Variants in VPS41 observed in about 807,000 individuals in gnomAD.
VPS41 encodes the protein VPS41 subunit of HOPS complex.
A neutral mutation model predicts 130.9 loss-of-function variants in VPS41; 85 were observed. That is an observed-to-expected ratio of 0.65 (90% CI 0.55 to 0.78). The LOEUF is 0.78. Ranked by LOEUF, VPS41 falls within the 30% of genes least tolerant of loss-of-function variation. The pLI is 0.00. For synonymous variants in VPS41, 335 were observed against 332.9 expected, an observed-to-expected ratio of 1.01 and a Z score of -0.07; for missense variants, 874 against 1,018.7, an observed-to-expected ratio of 0.86 and a Z score of 1.93.
Position 38,768,507 on chromosome 7 carries a change from T to C in VPS41, c.1186-909A>G, listed in dbSNP as rs529449542. On this transcript the variant is annotated intron_variant, in intron 14 of 28. Coordinates refer to ENST00000310301, the MANE Select transcript of VPS41 (RefSeq NM_014396.4). ...ATTCATAACTAATGTATAGGACTAA[T>C]GTACAGGACATGCCCATTTCAAGAG... is the stretch of plus-strand genomic sequence containing the variant. Among the ~76,000 whole-genome samples the C allele has an allele frequency of 9.2e-5, 14 of 152,336 alleles. No homozygotes were observed. In the East Asian group the frequency reaches 2.7e-3, roughly 29 times the overall value.
At chr7:38,758,078 A>C (rs1049947350) in intron 18 of VPS41, among the ~76,000 whole-genome samples, 3 of 152,176 alleles carry the variant, frequency 2.0e-5, no homozygotes, top group Non-Finnish European at 4.4e-5. Context: ...GAGTGATCTA[A>C]AACTTGGCAC....
intron 7 of VPS41, among the ~76,000 whole-genome samples, chr7:38,800,407 TTATA>T (rs1784702762): frequency 6.6e-6 from 1 of 152,016 alleles, no homozygotes; most frequent in South Asian, 2.1e-4. Flanking sequence ...TATTTTTATT[TTATA>T]ATTATTCTGC....
In VPS41 at chr7:38,808,270, A is replaced by G. The variant is rs146123735; in HGVS notation, c.450+9547T>C. ...ATTTTTATTTAAGCATTATATTTCT[A>G]TTTTTAGCCTCAGATAGCTTAGTAT... On this transcript the variant is annotated intron_variant, in intron 7 of 28. Transcript: ENST00000310301. 2.8e-3 allele frequency among the ~76,000 whole-genome samples: 430 copies of G among 152,290 alleles called. 2 individuals carry two copies. The highest frequency in any genetic ancestry group is 0.01 in the African/African-American group (419 of 41,568).
chr7:38,802,055 G>T (rs958991356), intron 7 of VPS41, among the ~76,000 whole-genome samples: 1 of 152,238 alleles, frequency 6.6e-6, no homozygotes. Context: ...ATCCAGGCAT[G>T]TAATGTCAGT....
Position 38,768,859 on chromosome 7 carries a change from A to C in VPS41, c.1186-1261T>G, listed in dbSNP as rs75888913. On this transcript the variant is annotated intron_variant, in intron 14 of 28. Coordinates refer to ENST00000310301, the MANE Select transcript of VPS41 (RefSeq NM_014396.4). ...TCTATTTTACCTCTTTTCCCTCAGC[A>C]TAAGCATGTTTAAGTGCCTCTCTTA... Among the ~76,000 whole-genome samples, 495 of 152,160 alleles carry C rather than the reference A, an allele frequency of 3.3e-3. 12 individuals are homozygous for C. In the East Asian group the frequency reaches 0.041, roughly 13 times the overall value.
At chr7:38,745,433 T>G (rs777294989) in intron 23 of VPS41, 126 bp downstream of exon 23, 1 of 742,662 alleles carries the variant, frequency 1.3e-6, no homozygotes, top group Non-Finnish European at 2.3e-6. Flanking sequence ...ATTAAATTAT[T>G]GTAAAAATAG....
At chr7:38,872,480 AG>A (rs1786389867) in intron 2 of VPS41, among the ~76,000 whole-genome samples, 1 of 152,250 alleles carries the variant, frequency 6.6e-6, no homozygotes, top group South Asian at 2.1e-4. Flanking sequence ...TCTACTGATA[AG>A]CTGTCTTAAA....
chr7:38,842,811 C>A (rs556391814), intron 4 of VPS41, among the ~76,000 whole-genome samples: 1 of 152,326 alleles, frequency 6.6e-6, no homozygotes, highest in South Asian at 2.1e-4. Flanking sequence ...GGATGGCATA[C>A]CCCTCTTGTG....
chr7:38,779,851 GGACT>G (rs1486857446), intron 10 of VPS41, among the ~76,000 whole-genome samples: 1 of 151,994 alleles, frequency 6.6e-6, no homozygotes, highest in African/African-American at 2.4e-5. Context: ...AAAAGCTTAT[GGACT>G]GACTTTGTAA....
chr7:38,889,539 A>G (rs1328417384), intron 2 of VPS41, among the ~76,000 whole-genome samples: 1 of 144,972 alleles, frequency 6.9e-6, no homozygotes, highest in Non-Finnish European at 1.5e-5. Context: ...ATCTGGTTAA[A>G]AAAACAAAAC....
chr7:38,827,403 T>C (rs894745668), intron 5 of VPS41, among the ~76,000 whole-genome samples: 25 of 152,154 alleles, frequency 1.6e-4, no homozygotes, highest in Non-Finnish European at 3.4e-4. Context: ...AACCTATGTA[T>C]TGCCAAAAGG....
intron 25 of VPS41, among the ~76,000 whole-genome samples, chr7:38,734,966 A>G (rs1795735460): frequency 6.6e-6 from 1 of 152,226 alleles, no homozygotes; most frequent in Non-Finnish European, 1.5e-5. Context: ...GGATTCTTAT[A>G]AAAATGATGA....
chr7:38,797,168 T>C (rs1584400631), intron 7 of VPS41: 2 of 208,504 alleles, frequency 9.6e-6, no homozygotes, highest in East Asian at 1.0e-4. Flanking sequence ...AAAAGATTTG[T>C]ATCGCAAAAG....
At chr7:38,859,640 G>A (rs1786059057) in intron 4 of VPS41, among the ~76,000 whole-genome samples, 1 of 152,178 alleles carries the variant, frequency 6.6e-6, no homozygotes, top group Admixed American at 6.5e-5. Flanking sequence ...CAGCCTAAGT[G>A]TACAGTAGGC....
At chr7:38,894,438 G>A (rs1040306684) in intron 2 of VPS41, among the ~76,000 whole-genome samples, 11 of 150,712 alleles carry the variant, frequency 7.3e-5, no homozygotes, top group African/African-American at 2.2e-4. Context: ...GCAGCGGGGG[G>A]CACGGAGGCT....
At chr7:38,869,016 G>A in intron 3 of VPS41, 130 bp downstream of exon 3, 1 of 653,944 alleles carries the variant, frequency 1.5e-6, no homozygotes, top group Non-Finnish European at 2.6e-6. Context: ...TTGGCAAGGA[G>A]GAAGAGAGCA....
chr7:38,774,115 C>T lies in VPS41; in HGVS notation c.1012G>A (p.Glu338Lys), dbSNP rs748033208. The change falls in exon 12 of 29, where the codon GAA becomes AAA. Residue 338 changes from glutamate to lysine, a missense_variant and splice_region_variant. Glu to Lys is a moderately conservative substitution (Grantham distance 56, BLOSUM62 1). Transcript: ENST00000310301. Reference protein sequence around the residue: ...QENECRDYHLEYSEGESLFYI... With the variant: ...QENECRDYHLKYSEGESLFYI... ...CAGCCAGATCTTTCATATCTCCTAC[C>T]TAAATGATAATCTCTACATTCATTC... is the stretch of plus-strand genomic sequence containing the variant. The T allele has an allele frequency of 3.8e-6, 6 of 1,598,462 alleles. No homozygotes were observed. In the Admixed American group the frequency reaches 6.7e-5, roughly 18 times the overall value.
chr7:38,743,571 T>C, intron 23 of VPS41, 29 bp from the exon 24 acceptor site: 1 of 1,606,236 alleles, frequency 6.2e-7, no homozygotes, highest in Non-Finnish European at 8.5e-7. Context: ...GGAGAAAGAG[T>C]TCATTTAAGG....
At chr7:38,853,793 C>A (rs1785919076) in intron 4 of VPS41, among the ~76,000 whole-genome samples, 1 of 152,192 alleles carries the variant, frequency 6.6e-6, no homozygotes, top group South Asian at 2.1e-4. Context: ...AGGGTAATTT[C>A]ATTCAGTGAA....
Sources: allele counts gnomAD v4.1 joint callset (sites outside exome capture counted in the v4.1 genomes callset), GRCh38; gene constraint gnomAD v4.1.1; transcripts MANE v1.5; gene names NCBI Gene and HGNC (gene_info 2026-07-23, HGNC 2026-07-21).